The following FBXO38 variants were observed in gnomAD, a reference collection of about 807,000 sequenced individuals.
FBXO38 encodes F-box protein 38, also known as F-box only protein 38.
In FBXO38, 53 loss-of-function variants were observed where a neutral mutation model predicts 131.9. That is an observed-to-expected ratio of 0.40 (90% CI 0.32 to 0.51). The LOEUF (loss-of-function observed/expected upper bound fraction) is 0.51, where lower values mean the gene tolerates loss of function less well. Among genes scored for constraint, FBXO38 ranks in the 20% least tolerant of loss-of-function variants. FBXO38 has a pLI of 0.53. For synonymous variants in FBXO38, 452 were observed against 505.6 expected, an observed-to-expected ratio of 0.89 and a Z score of 1.42; for missense variants, 1,076 against 1,475.6, an observed-to-expected ratio of 0.73 and a Z score of 4.44.
intron 1 of FBXO38, among the ~76,000 whole-genome samples, chr5:148,389,044 T>C (rs1168653819): frequency 6.6e-6 from 1 of 152,116 alleles, no homozygotes; most frequent in African/African-American, 2.4e-5. Context: ...TAAATATCAT[T>C]GTGTCTCAGG....
intron 7 of FBXO38, among the ~76,000 whole-genome samples, chr5:148,408,647 A>G (rs1416645793): frequency 1.3e-5 from 2 of 152,250 alleles, no homozygotes; most frequent in Admixed American, 6.5e-5. Flanking sequence ...TATTTATACA[A>G]ATTTAAAACA....
chr5:148,415,357 G>A (rs1278390800), intron 10 of FBXO38: 1 of 152,646 alleles, frequency 6.6e-6, no homozygotes, highest in Non-Finnish European at 1.5e-5. Flanking sequence ...GTACAGAAAG[G>A]TACAAAATGA....
intron 2 of FBXO38, among the ~76,000 whole-genome samples, chr5:148,396,129 T>C (rs1427473878): frequency 6.6e-6 from 1 of 152,198 alleles, no homozygotes; most frequent in Non-Finnish European, 1.5e-5. Flanking sequence ...TGACACATTG[T>C]AGTTTTTGCT....
In FBXO38 at chr5:148,399,041, C is replaced by A; in HGVS notation, c.171C>A (p.Ser57=). ...LQDIMCMECL[S]RKLKEAVTLY... is the part of the protein sequence containing the mutation. ...ATATCATGTGTATGGAATGTCTTTC[C>A]CGGAAGCTAAAGGAAGCAGTGACCC... Residue 57 remains serine (S), a synonymous_variant, in exon 3 of 22, where the codon TCC becomes TCA. Coordinates refer to ENST00000340253, the MANE Select transcript of FBXO38 (RefSeq NM_205836.3). The A allele has an allele frequency of 6.2e-7, 1 of 1,613,464 alleles. No individual in the cohort carries two copies. Among genetic ancestry groups the A allele is most frequent in the African/African-American group, 1.3e-5 (1 of 74,958 alleles).
At chr5:148,419,814 CTT>C (rs1561533471) in intron 12 of FBXO38, among the ~76,000 whole-genome samples, 1 of 152,010 alleles carries the variant, frequency 6.6e-6, no homozygotes, top group African/African-American at 2.4e-5. Flanking sequence ...TAACACCAGT[CTT>C]TATTGCTGTA....
At chr5:148,427,190 C>A (rs376342636) in intron 14 of FBXO38, 23 bp from the exon 15 acceptor site, 1 of 1,551,352 alleles carries the variant, frequency 6.4e-7, no homozygotes, top group Admixed American at 2.1e-5. Flanking sequence ...TTCCTCGGGC[C>A]GTTCTTCTTT....
At chr5:148,402,264 G>A (rs1752199798) in intron 4 of FBXO38, 84 bp from the exon 5 acceptor site, 9 of 1,539,554 alleles carry the variant, frequency 5.8e-6, no homozygotes, top group East Asian at 2.3e-5. Context: ...AAGTTCCATT[G>A]TGTACTTAGC....
At position 148,442,185 on chromosome 5, in the gene FBXO38, C is replaced by T. The variant is rs775024685; in HGVS notation, c.*38C>T. 6.3e-7 allele frequency: 1 copy of T among 1,590,528 alleles called. No individual in the cohort carries two copies. The highest frequency in any genetic ancestry group is 8.6e-7 in the Non-Finnish European group (1 of 1,163,280). ...CCTTTCCAGCTATTTTGTCAGAAAG[C>T]AAGTAGGGCCATCCAGCTGCCAGAG... On this transcript the variant is annotated 3_prime_UTR_variant, in exon 22 of 22. Transcript: ENST00000340253.
intron 1 of FBXO38, among the ~76,000 whole-genome samples, chr5:148,393,234 T>TGA (rs1758305258): frequency 2.1e-5 from 3 of 144,302 alleles, no homozygotes; most frequent in Admixed American, 7.1e-5. Context: ...TGTGTGTGTG[T>TGA]GATGAGAGGC....
At chr5:148,440,809 A>T (rs1328286682) in intron 20 of FBXO38, among the ~76,000 whole-genome samples, 1 of 152,214 alleles carries the variant, frequency 6.6e-6, no homozygotes, top group African/African-American at 2.4e-5. Flanking sequence ...ATGACCGAAC[A>T]TGCCTTAGGG....
intron 8 of FBXO38, among the ~76,000 whole-genome samples, chr5:148,409,720 A>C (rs1752640951): frequency 6.6e-6 from 1 of 152,212 alleles, no homozygotes; most frequent in Non-Finnish European, 1.5e-5. Context: ...TATTTCTTAC[A>C]TATCAATGGT....
At chr5:148,415,372 T>G (rs1379003140) in intron 10 of FBXO38, 2 of 152,894 alleles carry the variant, frequency 1.3e-5, no homozygotes, top group African/African-American at 4.8e-5. Flanking sequence ...AAATGAAAAC[T>G]CTCCTCTTCT....
chr5:148,402,575 A>T (rs1299272745), intron 5 of FBXO38, 62 bp downstream of exon 5: 1 of 1,325,768 alleles, frequency 7.5e-7, no homozygotes. Context: ...GTGAATATTC[A>T]CTGAAAAAGA....
intron 11 of FBXO38, chr5:148,416,584 C>A (rs892811945): frequency 5.4e-6 from 1 of 184,896 alleles, no homozygotes; most frequent in African/African-American, 2.4e-5. Flanking sequence ...ACTTTGTACT[C>A]TTAAGGCAAT....
At chr5:148,434,026 G>C (rs940849863) in intron 17 of FBXO38, 1 of 206,290 alleles carries the variant, frequency 4.8e-6, no homozygotes, top group Non-Finnish European at 9.7e-6. Context: ...GAGTCAGATA[G>C]ACCTCAGCTT....
At chr5:148,429,772 A>G (rs1439356065) in intron 15 of FBXO38, among the ~76,000 whole-genome samples, 3 of 152,002 alleles carry the variant, frequency 2.0e-5, no homozygotes, top group Admixed American at 1.3e-4. Flanking sequence ...CATATTAGCC[A>G]TTGAAGTTTT....
Position 148,427,632 on chromosome 5 carries a change from A to G in FBXO38, c.2338A>G (p.Arg780Gly), listed in dbSNP as rs749448948. The G allele has an allele frequency of 5.0e-6, 8 of 1,614,070 alleles. No individual in the cohort carries two copies. In the African/African-American group the frequency reaches 1.1e-4, roughly 22 times the overall value. ...SSVCPRCCCH[R>G]PQESQRRTSR... Reference sequence around the variant, plus strand: ...TGTCTGCCCCAGATGCTGCTGTCACAGGCCCCAGGAATCCCAAAGGAGAAC... The same window carrying G: ...TGTCTGCCCCAGATGCTGCTGTCACGGGCCCCAGGAATCCCAAAGGAGAAC... Residue 780 changes from arginine (R) to glycine (G), a missense_variant, in exon 15 of 22, where the codon AGG becomes GGG. Physicochemically the swap from Arg to Gly is moderately radical, Grantham distance 125. This residue lies in a region of FBXO38 where 213 missense variants were observed against 225.2 expected (regional missense o/e 0.95). Transcript: ENST00000340253.
chr5:148,391,913 C>CT (rs1473602043), intron 1 of FBXO38, among the ~76,000 whole-genome samples: 1 of 152,016 alleles, frequency 6.6e-6, no homozygotes, highest in African/African-American at 2.4e-5. Flanking sequence ...GTATATTTGT[C>CT]TTTTTTATCA....
intron 3 of FBXO38, among the ~76,000 whole-genome samples, chr5:148,400,873 A>G (rs1452199465): frequency 1.3e-5 from 2 of 151,880 alleles, no homozygotes; most frequent in African/African-American, 4.8e-5. Flanking sequence ...AACCTTTCTG[A>G]TTTGGTTGTG....
Sources: gnomAD v4.1 joint callset for allele counts (sites outside exome capture counted in the v4.1 genomes callset) on GRCh38, gnomAD v4.1.1 for gene constraint, gnomAD v4.1.1 regional missense constraint, MANE v1.5 for transcripts, NCBI Gene and HGNC (gene_info 2026-07-23, HGNC 2026-07-21) for gene names.